The following EML6 variants were observed in gnomAD, a reference collection of about 807,000 sequenced individuals.
EML6 encodes the protein echinoderm microtubule-associated protein-like 6.
In EML6, 154 loss-of-function variants were observed where a neutral mutation model predicts 240.1. The observed-to-expected ratio is 0.64, with a 90% CI of 0.56 to 0.73. The LOEUF (loss-of-function observed/expected upper bound fraction) is 0.73, where lower values mean the gene tolerates loss of function less well. Among genes scored for constraint, EML6 ranks in the 30% least tolerant of loss-of-function variants. The probability of loss-of-function intolerance (pLI) is 0.00; values close to 1 mark genes in which losing one functional copy is unlikely to be tolerated. For missense variants in EML6, 2,964 were observed against 2,474.6 expected (o/e 1.20, Z -4.20); for synonymous variants, 1,148 against 899.0 (o/e 1.28, Z -4.95).
Position 54,816,792 on chromosome 2 carries a change from A to G in EML6, c.363A>G (p.Leu121=). 1.9e-6 allele frequency: 3 copies of G among 1,550,248 alleles called. No homozygotes were observed. Among genetic ancestry groups the G allele is most frequent in the Non-Finnish European group, 2.6e-6 (3 of 1,145,718 alleles). ...CLAFDSDGQR[L]ASVGLDAKNT... is the part of the protein sequence containing the mutation. ...ATTATTGTTCTTATTCTTAGCGTTT[A>G]GCCTCTGTGGGGTTGGATGCCAAAA... Residue 121 remains leucine (L), a synonymous_variant, in exon 4 of 42, where the codon TTA becomes TTG. Coordinates refer to ENST00000356458, the MANE Select transcript of EML6 (RefSeq NM_001039753.4).
rs1248323416 is a variant in EML6, at chr2:54,724,063, C to T, written c.-514+286C>T. Among the ~76,000 whole-genome samples the T allele has an allele frequency of 6.6e-6, 1 of 152,194 alleles. No homozygotes were observed. On this transcript the variant is annotated intron_variant, in intron 1 of 41. Transcript: ENST00000356458. The surrounding 1 kb of genome is among the most constrained non-coding windows in gnomAD (Gnocchi z 5.2). Reference sequence around the variant, plus strand: ...TCTGGGGAGAAGTACACGATTTTTGCCACTTGTTATTTGATTTCTCCTCGA... The same window carrying T: ...TCTGGGGAGAAGTACACGATTTTTGTCACTTGTTATTTGATTTCTCCTCGA...
At chr2:54,947,420 A>G (rs550055085) in intron 28 of EML6, among the ~76,000 whole-genome samples, 6 of 152,228 alleles carry the variant, frequency 3.9e-5, no homozygotes, top group South Asian at 2.1e-4. Flanking sequence ...GTTTGGTCCA[A>G]TTATCACTTA....
chr2:54,953,383 G>T (rs1167027977), intron 31 of EML6, among the ~76,000 whole-genome samples: 1 of 152,152 alleles, frequency 6.6e-6, no homozygotes, highest in Non-Finnish European at 1.5e-5. Flanking sequence ...TATCATGTTT[G>T]CTGATTGTAT....
chr2:54,911,569 A>G (rs1050031499), intron 25 of EML6, among the ~76,000 whole-genome samples: 4 of 152,044 alleles, frequency 2.6e-5, no homozygotes, highest in African/African-American at 7.2e-5. Flanking sequence ...AGCTGGGATC[A>G]TAGGCATCTG....
intron 15 of EML6, among the ~76,000 whole-genome samples, chr2:54,870,517 C>A (rs1220110241): frequency 6.6e-6 from 1 of 152,132 alleles, no homozygotes; most frequent in African/African-American, 2.4e-5. Flanking sequence ...AATTTGCTGT[C>A]CCTCCAACTG....
At chr2:54,740,873 G>T (rs918795455) in intron 2 of EML6, among the ~76,000 whole-genome samples, 2 of 152,030 alleles carry the variant, frequency 1.3e-5, no homozygotes, top group Non-Finnish European at 2.9e-5. Flanking sequence ...GACTTTGCAG[G>T]TCATCTTTCT....
At chr2:54,889,800 G>A (rs1461693894) in intron 17 of EML6, among the ~76,000 whole-genome samples, 2 of 152,106 alleles carry the variant, frequency 1.3e-5, no homozygotes, top group African/African-American at 4.8e-5. Flanking sequence ...TGTTCAATAC[G>A]ATGTTAAATG....
chr2:54,960,137 TGGGAAAGAGGGGAGAGGGCCGGAGGGGG>T, intron 34 of EML6, 55 bp from the exon 35 acceptor site: 1 of 1,033,856 alleles, frequency 9.7e-7, no homozygotes, highest in East Asian at 2.6e-5. Context: ...CCCTGATGAC[TGGGAAAGAGGGGAGAGGGCCGGAGGGGG>T]TAGTGGGTCT....
At chr2:54,755,413 T>C (rs1439485762) in intron 2 of EML6, among the ~76,000 whole-genome samples, 1 of 152,190 alleles carries the variant, frequency 6.6e-6, no homozygotes, top group African/African-American at 2.4e-5. Flanking sequence ...GATATTTTGA[T>C]TGAGATTATA....
chr2:54,758,554 C>A (rs1433627087), intron 2 of EML6, among the ~76,000 whole-genome samples: 4 of 152,158 alleles, frequency 2.6e-5, no homozygotes, highest in African/African-American at 9.7e-5. Context: ...TCCCCCATTC[C>A]CTGTATTGTC....
rs569318336 is a variant in EML6 at position 54,955,820 on chromosome 2, A to G, written c.4486+1664A>G. 4.6e-5 allele frequency among the ~76,000 whole-genome samples: 7 copies of G among 152,312 alleles called. No homozygotes were observed. In the South Asian group the frequency reaches 8.3e-4, roughly 18 times the overall value. ...GTGAGCCAGTGCTGATATGTGACCTATCGCTAGCCACCACCTCTTCCGGGT... is the reference window on the plus strand; with the variant it reads ...GTGAGCCAGTGCTGATATGTGACCTGTCGCTAGCCACCACCTCTTCCGGGT... On this transcript the variant is annotated intron_variant, in intron 32 of 41. Coordinates refer to ENST00000356458, the MANE Select transcript of EML6 (RefSeq NM_001039753.4).
intron 32 of EML6, among the ~76,000 whole-genome samples, chr2:54,955,547 G>A (rs1204168367): frequency 3.9e-5 from 6 of 152,156 alleles, no homozygotes; most frequent in African/African-American, 1.4e-4. Context: ...GCTGCTAACT[G>A]TTCCTAGATC....
At chr2:54,946,514 C>T (rs991893979) in intron 28 of EML6, among the ~76,000 whole-genome samples, 37 of 152,210 alleles carry the variant, frequency 2.4e-4, no homozygotes, top group African/African-American at 8.2e-4. Context: ...TTTAGATCCA[C>T]GGAAAACTGT....
At chr2:54,821,772 T>G (rs558556324) in intron 5 of EML6, among the ~76,000 whole-genome samples, 1 of 152,220 alleles carries the variant, frequency 6.6e-6, no homozygotes, top group South Asian at 2.1e-4. Flanking sequence ...TTTATCAATT[T>G]TTTAGAAAAA....
chr2:54,885,911 C>T (rs1672106515), intron 17 of EML6, among the ~76,000 whole-genome samples: 1 of 152,118 alleles, frequency 6.6e-6, no homozygotes, highest in African/African-American at 2.4e-5. Flanking sequence ...ACGTCCAGCC[C>T]ACTTTTTGAT....
intron 2 of EML6, among the ~76,000 whole-genome samples, chr2:54,778,095 G>A (rs945034419): frequency 1.3e-5 from 2 of 152,078 alleles, no homozygotes; most frequent in Non-Finnish European, 2.9e-5. Flanking sequence ...AACTGTTTGG[G>A]GTCATTTAGA....
At chr2:54,910,386 A>C (rs1673576470) in intron 24 of EML6, among the ~76,000 whole-genome samples, 2 of 152,372 alleles carry the variant, frequency 1.3e-5, no homozygotes, top group South Asian at 4.1e-4. Context: ...ATTTTTGCCC[A>C]ACATTTTCCT....
rs1020424164 is a variant in EML6 at position 54,768,878 on chromosome 2, A to G, written c.197+43620A>G. 2.6e-5 allele frequency among the ~76,000 whole-genome samples: 4 copies of G among 152,214 alleles called. No individual in the cohort carries two copies. The East Asian group carries it at 7.7e-4, about 29-fold the overall frequency. ...TCTATATAAGTAACAATTATACAAGACATTGTAAATCCCAATCTATGATTT... is the reference window on the plus strand; with the variant it reads ...TCTATATAAGTAACAATTATACAAGGCATTGTAAATCCCAATCTATGATTT... On this transcript the variant is annotated intron_variant, in intron 2 of 41. Coordinates refer to ENST00000356458, the MANE Select transcript of EML6 (RefSeq NM_001039753.4).
At chr2:54,753,127 A>G (rs1684250029) in intron 2 of EML6, among the ~76,000 whole-genome samples, 1 of 152,392 alleles carries the variant, frequency 6.6e-6, no homozygotes, top group Admixed American at 6.5e-5. Flanking sequence ...TTACCAATTT[A>G]TATACCACTA....
Sources: gnomAD v4.1 joint callset for allele counts (sites outside exome capture counted in the v4.1 genomes callset) on GRCh38, gnomAD v4.1.1 for gene constraint, Gnocchi (gnomAD v3.1) non-coding constraint, MANE v1.5 for transcripts, NCBI Gene and HGNC (gene_info 2026-07-23, HGNC 2026-07-21) for gene names.